Variants in MMS22L observed in about 807,000 individuals in gnomAD.
MMS22L encodes MMS22 like, DNA repair protein, also known as protein MMS22-like.
A neutral mutation model predicts 159.1 loss-of-function variants in MMS22L; 74 were observed. The ratio of observed to expected loss-of-function variants is 0.47; its 90% confidence interval spans 0.39 to 0.56. The LOEUF (loss-of-function observed/expected upper bound fraction) is 0.56. MMS22L is among the 20% of genes least tolerant of loss of function. MMS22L has a pLI of 0.00. For synonymous variants in MMS22L, 517 were observed against 506.9 expected, an observed-to-expected ratio of 1.02 and a Z score of -0.27; for missense variants, 1,351 against 1,422.1, an observed-to-expected ratio of 0.95 and a Z score of 0.80.
chr6:97,161,669 T>C (rs991427623), intron 22 of MMS22L, among the ~76,000 whole-genome samples: 1 of 152,048 alleles, frequency 6.6e-6, no homozygotes, highest in Non-Finnish European at 1.5e-5. Flanking sequence ...TACTTGATAT[T>C]TAACAAATTG....
At chr6:97,221,187 T>C (rs753662974) in intron 14 of MMS22L, among the ~76,000 whole-genome samples, 7 of 152,138 alleles carry the variant, frequency 4.6e-5, no homozygotes, top group Non-Finnish European at 1.0e-4. Context: ...GTGAGGTAGG[T>C]GGTATTATCC....
At chr6:97,183,255 T>C (rs960831287) in intron 15 of MMS22L, among the ~76,000 whole-genome samples, 1 of 152,182 alleles carries the variant, frequency 6.6e-6, no homozygotes, top group Non-Finnish European at 1.5e-5. Flanking sequence ...TCTCCATGCC[T>C]TCCCTGTCCC....
At chr6:97,234,909 C>G (rs1340660004) in intron 11 of MMS22L, among the ~76,000 whole-genome samples, 2 of 152,118 alleles carry the variant, frequency 1.3e-5, no homozygotes, top group Non-Finnish European at 2.9e-5. Context: ...GAAAGTTCCT[C>G]AATTATTAGT....
intron 3 of MMS22L, among the ~76,000 whole-genome samples, 191 bp from the exon 4 acceptor site, chr6:97,279,089 T>C (rs1418929126): frequency 6.6e-6 from 1 of 152,206 alleles, no homozygotes; most frequent in Non-Finnish European, 1.5e-5. Flanking sequence ...ATAAAATACA[T>C]CTTTGCCTGA....
At chr6:97,168,955 T>C (rs1213179950) in intron 19 of MMS22L, among the ~76,000 whole-genome samples, 1 of 152,086 alleles carries the variant, frequency 6.6e-6, no homozygotes, top group African/African-American at 2.4e-5. Context: ...TATTTGTTGG[T>C]ACCCCTATTT....
rs111934373 is a variant in MMS22L, at chr6:97,277,835, T to C, written c.340+1014A>G. Among the ~76,000 whole-genome samples the C allele has an allele frequency of 3.5e-4, 54 of 152,290 alleles. 1 individual carries two copies. The highest frequency in any genetic ancestry group is 1.3e-3 in the African/African-American group (52 of 41,560). On this transcript the variant is annotated intron_variant, in intron 4 of 24. Transcript: ENST00000683635. ...CAAGCCCCAGCTTTTCCTTGTAATG[T>C]GTATTTTTCCTTTTTTCATAATCTA...
At chr6:97,274,789 C>G (rs1816096086) in intron 4 of MMS22L, among the ~76,000 whole-genome samples, 1 of 152,066 alleles carries the variant, frequency 6.6e-6, no homozygotes, top group South Asian at 2.1e-4. Flanking sequence ...TCGATCTGTT[C>G]AAGCATGAAA....
intron 20 of MMS22L, among the ~76,000 whole-genome samples, chr6:97,166,895 T>G (rs974308104): frequency 6.6e-6 from 1 of 152,068 alleles, no homozygotes; most frequent in Non-Finnish European, 1.5e-5. Flanking sequence ...TTCTGCTAGA[T>G]TAACACACTA....
At chr6:97,270,423 A>G in intron 6 of MMS22L, 1 of 355,218 alleles carries the variant, frequency 2.8e-6, no homozygotes, top group Non-Finnish European at 5.4e-6. Flanking sequence ...ACTGTCATGT[A>G]GACATTATTG....
Position 97,263,458 on chromosome 6 carries a change from A to G in MMS22L, c.829-10T>C, listed in dbSNP as rs1384349709. On this transcript the variant is annotated splice_polypyrimidine_tract_variant and intron_variant, in intron 8 of 24. Transcript: ENST00000683635. ...ATTCAGAAGACCTAACCTATAGAAA[A>G]TAACCAAAATGTGTTATTTATAAGA... is the stretch of plus-strand genomic sequence containing the variant. 7.1e-7 allele frequency: 1 copy of G among 1,414,656 alleles called. No individual in the cohort carries two copies. The highest frequency in any genetic ancestry group is 9.5e-7 in the Non-Finnish European group (1 of 1,048,594). The allele number at this position is 1,414,656 out of a possible 1,614,324, so 87.6% of individuals were successfully genotyped here.
chr6:97,224,804 A>C (rs1413999933), intron 14 of MMS22L, among the ~76,000 whole-genome samples: 2 of 152,060 alleles, frequency 1.3e-5, no homozygotes, highest in Middle Eastern at 3.4e-3. Flanking sequence ...AAGACTGTAT[A>C]AGCCATTCAG....
intron 18 of MMS22L, among the ~76,000 whole-genome samples, chr6:97,173,815 GA>G (rs1803815683): frequency 1.3e-5 from 2 of 152,046 alleles, no homozygotes; most frequent in African/African-American, 4.8e-5. Flanking sequence ...AATGTGAGGT[GA>G]ATCAGTAAGA....
At chr6:97,162,404 T>C (rs1291385082) in intron 21 of MMS22L, among the ~76,000 whole-genome samples, 6 of 151,988 alleles carry the variant, frequency 3.9e-5, no homozygotes, top group African/African-American at 1.2e-4. Flanking sequence ...ACAAACTAAA[T>C]TGAAAGCAAC....
intron 11 of MMS22L, among the ~76,000 whole-genome samples, chr6:97,234,188 A>G (rs1811160894): frequency 1.3e-5 from 2 of 152,168 alleles, no homozygotes; most frequent in Non-Finnish European, 1.5e-5. Context: ...ACACATTCAG[A>G]TAACAGAAGT....
At chr6:97,240,111 T>A (rs1205906654) in intron 11 of MMS22L, among the ~76,000 whole-genome samples, 4 of 152,176 alleles carry the variant, frequency 2.6e-5, no homozygotes, top group Non-Finnish European at 5.9e-5. Flanking sequence ...ATAGATATAA[T>A]CAAACTGACA....
intron 4 of MMS22L, among the ~76,000 whole-genome samples, chr6:97,277,484 A>G (rs1816353518): frequency 6.6e-6 from 1 of 151,998 alleles, no homozygotes; most frequent in East Asian, 1.9e-4. Flanking sequence ...GACAAAAACA[A>G]AACCTCTGTA....
chr6:97,278,206 C>T (rs2128100824), intron 4 of MMS22L, among the ~76,000 whole-genome samples: 1 of 152,238 alleles, frequency 6.6e-6, no homozygotes, highest in African/African-American at 2.4e-5. Context: ...AGTTTGCGAT[C>T]AGCCTGGCCA....
chr6:97,217,788 T>C (rs1049941422), intron 14 of MMS22L, among the ~76,000 whole-genome samples: 1 of 152,230 alleles, frequency 6.6e-6, no homozygotes, highest in African/African-American at 2.4e-5. Flanking sequence ...GCTGTGATTC[T>C]ATTTTCTTAT....
chr6:97,220,751 C>T (rs570290382), intron 14 of MMS22L, among the ~76,000 whole-genome samples: 1 of 151,216 alleles, frequency 6.6e-6, no homozygotes, highest in African/African-American at 2.5e-5. Flanking sequence ...ACTTTTTCTA[C>T]AGCAGCACTC....
Sources: allele counts gnomAD v4.1 joint callset (sites outside exome capture counted in the v4.1 genomes callset), GRCh38; gene constraint gnomAD v4.1.1; transcripts MANE v1.5; gene names NCBI Gene and HGNC (gene_info 2026-07-23, HGNC 2026-07-21).